KATNIP: variants seen among roughly 807,000 people sequenced by gnomAD.
KATNIP encodes the protein katanin-interacting protein.
In KATNIP, 126 loss-of-function variants were observed where a neutral mutation model predicts 174.0. The observed-to-expected ratio is 0.72, with a 90% CI of 0.63 to 0.84. KATNIP has a LOEUF of 0.84. Among genes scored for constraint, KATNIP ranks in the 40% least tolerant of loss-of-function variants. KATNIP has a pLI of 0.00. For missense variants in KATNIP, 1,958 were observed against 2,109.7 expected, an observed-to-expected ratio of 0.93 and a Z score of 1.41; for synonymous variants, 810 against 835.7, an observed-to-expected ratio of 0.97 and a Z score of 0.53.
At position 27,765,338 on chromosome 16, in the gene KATNIP, A is replaced by G. The variant is rs184722435; in HGVS notation, c.3810-971A>G. ...CAAACACAGGCCCACTTGAGGATGA[A>G]CAGGATGTCCCAAGCAAGGGAACCA... On this transcript the variant is annotated intron_variant, in intron 19 of 27. Coordinates refer to ENST00000261588, the MANE Select transcript of KATNIP (RefSeq NM_015202.5). 1.1e-3 allele frequency among the ~76,000 whole-genome samples: 167 copies of G among 152,344 alleles called. 2 individuals carry two copies. Among genetic ancestry groups the G allele is most frequent in the African/African-American group, 3.9e-3 (162 of 41,582 alleles).
At chr16:27,586,806 G>A (rs973387082) in intron 2 of KATNIP, among the ~76,000 whole-genome samples, 4 of 149,808 alleles carry the variant, frequency 2.7e-5, no homozygotes, top group African/African-American at 9.8e-5. Flanking sequence ...TCCAGCCTGG[G>A]TGACAAAGTG....
intron 2 of KATNIP, among the ~76,000 whole-genome samples, chr16:27,607,890 C>T (rs992673284): frequency 6.6e-6 from 1 of 152,206 alleles, no homozygotes; most frequent in African/African-American, 2.4e-5. Flanking sequence ...CGTGAGCCAC[C>T]ACACCCGGCC....
At chr16:27,736,303 CA>C (rs1308281671) in intron 14 of KATNIP, among the ~76,000 whole-genome samples, 1 of 152,064 alleles carries the variant, frequency 6.6e-6, no homozygotes, top group Non-Finnish European at 1.5e-5. Flanking sequence ...GCGCCTGGCC[CA>C]AAAATAATTG....
intron 6 of KATNIP, among the ~76,000 whole-genome samples, chr16:27,671,453 G>T (rs959284089): frequency 1.3e-5 from 2 of 152,142 alleles, no homozygotes; most frequent in East Asian, 1.9e-4. Flanking sequence ...TATTTAATCC[G>T]TCTCTCATTG....
chr16:27,625,310 G>A (rs924828748), intron 3 of KATNIP, among the ~76,000 whole-genome samples: 4 of 152,296 alleles, frequency 2.6e-5, no homozygotes, highest in African/African-American at 9.6e-5. Flanking sequence ...CTCAGATCCT[G>A]GATAGCTGGA....
At chr16:27,645,048 G>A (rs1002345745) in intron 5 of KATNIP, among the ~76,000 whole-genome samples, 2 of 152,204 alleles carry the variant, frequency 1.3e-5, no homozygotes, top group African/African-American at 4.8e-5. Context: ...CCCTGGCCCT[G>A]CTTACTGAGT....
intron 22 of KATNIP, 107 bp downstream of exon 22, chr16:27,771,759 A>G (rs947782047): frequency 5.1e-6 from 6 of 1,175,756 alleles, no homozygotes; most frequent in Non-Finnish European, 7.4e-6. Context: ...GGCAGCTGGA[A>G]CTCCATGCAA....
intron 1 of KATNIP, among the ~76,000 whole-genome samples, chr16:27,560,052 G>A (rs1268285828): frequency 1.3e-5 from 2 of 151,286 alleles, no homozygotes; most frequent in African/African-American, 4.9e-5. Context: ...GGGAGACTGA[G>A]GCGGGCAGAT....
chr16:27,627,127 C>G (rs1290023433), intron 3 of KATNIP, among the ~76,000 whole-genome samples: 1 of 152,184 alleles, frequency 6.6e-6, no homozygotes, highest in African/African-American at 2.4e-5. Flanking sequence ...TTTGCGGTCA[C>G]TTGCAGACAC....
At chr16:27,602,016 C>T (rs1308676025) in intron 2 of KATNIP, among the ~76,000 whole-genome samples, 1 of 152,168 alleles carries the variant, frequency 6.6e-6, no homozygotes, top group Non-Finnish European at 1.5e-5. Flanking sequence ...GCCAGTCCTG[C>T]AGGATTGAGA....
intron 5 of KATNIP, among the ~76,000 whole-genome samples, chr16:27,647,340 C>A (rs1453649156): frequency 6.9e-6 from 1 of 145,504 alleles, no homozygotes; most frequent in African/African-American, 2.8e-5. Context: ...ATCACAAAGC[C>A]CCCCCCTTTC....
At chr16:27,673,432 ACCT>A (rs2077992120) in intron 6 of KATNIP, among the ~76,000 whole-genome samples, 1 of 152,158 alleles carries the variant, frequency 6.6e-6, no homozygotes, top group East Asian at 1.9e-4. Flanking sequence ...ATAAGCCATG[ACCT>A]CAGTCTGGTT....
chr16:27,749,754 AG>A lies in KATNIP; in HGVS notation c.2795del (p.Ser932ThrfsTer65). 6.2e-7 allele frequency: 1 copy of A among 1,611,598 alleles called. No homozygotes were observed. Among genetic ancestry groups the A allele is most frequent in the Non-Finnish European group, 8.5e-7 (1 of 1,178,756 alleles). On this transcript the variant is annotated frameshift_variant, in exon 16 of 28. Coordinates refer to ENST00000261588, the MANE Select transcript of KATNIP (RefSeq NM_015202.5). LOFTEE classifies it high-confidence loss of function. ...CCTGGATGAGCTCCTGCAGCAAAAG[AG>A]CAGCCGGCACAGCGACTTGCCCCCC... ...DILDELLQQK[S>X]SRHSDLPPSK...
rs759434980 is a variant in KATNIP at position 27,721,532 on chromosome 16, A to AT, written c.1606-23dup. ...GGGAGAGGCAGAAATGTGCCTAATG[A>AT]TTTCCTTCTCTTGCTGGCCTTCTAG... is the stretch of plus-strand genomic sequence containing the variant. On this transcript the variant is annotated intron_variant, in intron 13 of 27. Coordinates refer to ENST00000261588, the MANE Select transcript of KATNIP (RefSeq NM_015202.5). 10 of 1,613,570 alleles carry AT rather than the reference A, an allele frequency of 6.2e-6. No individual in the cohort carries two copies. In the East Asian group the frequency reaches 2.0e-4, roughly 32 times the overall value.
At chr16:27,664,330 G>A (rs886848990) in intron 6 of KATNIP, among the ~76,000 whole-genome samples, 1 of 152,132 alleles carries the variant, frequency 6.6e-6, no homozygotes, top group Non-Finnish European at 1.5e-5. Context: ...AATGTTCTAT[G>A]ATATTTCAAA....
chr16:27,552,932 G>C (rs1346978306), intron 1 of KATNIP, among the ~76,000 whole-genome samples: 1 of 152,118 alleles, frequency 6.6e-6, no homozygotes, highest in African/African-American at 2.4e-5. Context: ...AACCTCAGGT[G>C]ATCCGCCCGC....
At chr16:27,602,729 C>T (rs565280274) in intron 2 of KATNIP, among the ~76,000 whole-genome samples, 26 of 152,104 alleles carry the variant, frequency 1.7e-4, no homozygotes, top group Admixed American at 9.8e-4. Context: ...AACAGATTCT[C>T]GCTCTGTTGC....
Position 27,677,731 on chromosome 16 carries a change from G to A in KATNIP, c.543G>A (p.Glu181=). The part of the protein sequence containing the change: ...ANNTSEDRPQ[E]LRRSLELSVN... ...TCTCTCTTCTGGGCTTTTTGCAGGA[G>A]CTGAGAAGAAGCCTGGAACTTAGTG... Residue 181 remains glutamate, a splice_region_variant and synonymous_variant, in exon 7 of 28, where the codon GAG becomes GAA. Transcript: ENST00000261588. The A allele has an allele frequency of 3.1e-6, 5 of 1,601,080 alleles. No homozygotes were observed. Among genetic ancestry groups the A allele is most frequent in the Non-Finnish European group, 4.3e-6 (5 of 1,169,456 alleles).
In KATNIP at chr16:27,688,188, G is replaced by A. The variant is rs901090338; in HGVS notation, c.940+6658G>A. On this transcript the variant is annotated intron_variant, in intron 8 of 27. Coordinates refer to ENST00000261588, the MANE Select transcript of KATNIP (RefSeq NM_015202.5). ...GGTGGCTCACACCTGTAATCCTAGC[G>A]CTTTGGGAGGCTGAGGCAGGAGACT... Among the ~76,000 whole-genome samples the A allele has an allele frequency of 3.3e-5, 5 of 152,110 alleles. No homozygotes were observed. In the East Asian group the frequency reaches 9.6e-4, roughly 29 times the overall value.
Sources: gnomAD v4.1 joint callset for allele counts (sites outside exome capture counted in the v4.1 genomes callset) on GRCh38, gnomAD v4.1.1 for gene constraint, MANE v1.5 for transcripts, NCBI Gene and HGNC (gene_info 2026-07-23, HGNC 2026-07-21) for gene names.